GPR139: variants seen among roughly 807,000 people sequenced by gnomAD.
GPR139 encodes the protein probable G protein-coupled receptor 139.
A neutral mutation model predicts 25.8 loss-of-function variants in GPR139; 12 were observed. That is an observed-to-expected ratio of 0.47 (90% confidence interval 0.30 to 0.75). GPR139 has a LOEUF of 0.75. GPR139 is among the 30% of genes least tolerant of loss of function. The pLI is 0.07. For missense variants in GPR139, 380 were observed against 450.2 expected, an observed-to-expected ratio of 0.84 and a Z score of 1.41; for synonymous variants, 184 against 179.9, an observed-to-expected ratio of 1.02 and a Z score of -0.18.
At chr16:20,071,025 A>G (rs2057457769) in intron 1 of GPR139, 1 of 984,756 alleles carries the variant, frequency 1.0e-6, no homozygotes, top group Admixed American at 6.1e-5. Context: ...CATGATATCT[A>G]TGACCACAGC....
At chr16:20,043,964 G>A in intron 1 of GPR139, among the ~76,000 whole-genome samples, 1 of 82,856 alleles carries the variant, frequency 1.2e-5, no homozygotes, top group Non-Finnish European at 2.5e-5. Context: ...TTTTCTAGCT[G>A]GTGCTTTTGG....
chr16:20,047,474 C>T (rs1180939124), intron 1 of GPR139, among the ~76,000 whole-genome samples: 1 of 152,160 alleles, frequency 6.6e-6, no homozygotes, highest in Non-Finnish European at 1.5e-5. Context: ...TAAACTGCAA[C>T]CAGTAACTAT....
intron 1 of GPR139, among the ~76,000 whole-genome samples, chr16:20,045,517 A>G (rs2057351382): frequency 6.6e-6 from 1 of 152,170 alleles, no homozygotes; most frequent in Non-Finnish European, 1.5e-5. Flanking sequence ...CAGCTCAGGG[A>G]ACTGACCATT....
Position 20,031,127 on chromosome 16 carries a change from A to T in GPR139, c.*608T>A, listed in dbSNP as rs1325303154. The stretch of plus-strand genomic sequence containing the variant: ...CTATGCGGGTTTGGAGATTTCCTGA[A>T]GAAGCTCTGGCCACAGTTTGGATGG... On this transcript the variant is annotated 3_prime_UTR_variant, in exon 2 of 2. Transcript: ENST00000570682. 6.6e-6 allele frequency among the ~76,000 whole-genome samples: 1 copy of T among 152,152 alleles called. No homozygotes were observed. Among genetic ancestry groups the T allele is most frequent in the Non-Finnish European group, 1.5e-5 (1 of 68,030 alleles).
chr16:20,050,555 G>T (rs550748586), intron 1 of GPR139, among the ~76,000 whole-genome samples: 1 of 152,146 alleles, frequency 6.6e-6, no homozygotes, highest in Non-Finnish European at 1.5e-5. Flanking sequence ...TATGGCTTCC[G>T]TCCAGTTCAC....
chr16:20,067,320 C>T (rs904840607), intron 1 of GPR139, among the ~76,000 whole-genome samples: 4 of 152,166 alleles, frequency 2.6e-5, no homozygotes, highest in African/African-American at 9.7e-5. Context: ...CCTGGCTCTC[C>T]TGGGCCTTTG....
chr16:20,073,680 G>T lies in GPR139; in HGVS notation c.-64C>A. ...CCTGCCAGCCCGACTCTGGTCGCCG[G>T]CTCGGTGGTGGCGGCGGCGGAGGCA... On this transcript the variant is annotated 5_prime_UTR_variant, in exon 1 of 2. Transcript: ENST00000570682. This position sits in a 1 kb window ranked among gnomAD's most constrained non-coding sequence, Gnocchi z 4.7. 1 of 1,483,684 alleles carries T rather than the reference G, an allele frequency of 6.7e-7. No homozygotes were observed. The highest frequency in any genetic ancestry group is 8.9e-7 in the Non-Finnish European group (1 of 1,119,326). 91.9% of individuals were successfully genotyped at this position (1,483,684 alleles called of 1,614,324 possible).
rs576654778 is a variant in GPR139 at position 20,038,868 on chromosome 16, G to A, written c.128-6199C>T. On this transcript the variant is annotated intron_variant, in intron 1 of 1. Coordinates refer to ENST00000570682, the MANE Select transcript of GPR139 (RefSeq NM_001002911.4). ...GGCACATTTTCCCCAAAGGGAAAGA[G>A]TGATGTTGACAGGGTCTGTGTGTAT... Among the ~76,000 whole-genome samples, 39 of 152,334 alleles carry A rather than the reference G, an allele frequency of 2.6e-4. No homozygotes were observed. In the South Asian group the frequency reaches 7.9e-3, roughly 31 times the overall value.
At chr16:20,058,298 A>G (rs2057398404) in intron 1 of GPR139, among the ~76,000 whole-genome samples, 1 of 151,802 alleles carries the variant, frequency 6.6e-6, no homozygotes, top group African/African-American at 2.4e-5. Flanking sequence ...TGGAGAGGAG[A>G]TAAGACAAAT....
rs1163015714 is a variant in GPR139 at position 20,031,202 on chromosome 16, C to T, written c.*533G>A. 6.6e-6 allele frequency among the ~76,000 whole-genome samples: 1 copy of T among 152,040 alleles called. No individual in the cohort carries two copies. The highest frequency in any genetic ancestry group is 2.4e-5 in the African/African-American group (1 of 41,380). On this transcript the variant is annotated 3_prime_UTR_variant, in exon 2 of 2. Transcript: ENST00000570682. The stretch of plus-strand genomic sequence containing the variant: ...AGTGTCATTCTGAAGCTAGGAGTGC[C>T]AGAGCCAATTCAAGACCACAACCCT...
rs1251760756 is a variant in GPR139, at chr16:20,073,393, G to T, written c.127+97C>A. On this transcript the variant is annotated intron_variant, in intron 1 of 1. Transcript: ENST00000570682. The surrounding 1 kb of genome is among the most constrained non-coding windows in gnomAD (Gnocchi z 4.7). ...TAAAGCTTAAACTTTTTCCGAGGGG[G>T]CGCCAGGGAACGCACGGGGGAGGAC... 2.2e-5 allele frequency: 33 copies of T among 1,520,762 alleles called. No individual in the cohort carries two copies. The highest frequency in any genetic ancestry group is 2.8e-5 in the Non-Finnish European group (32 of 1,123,986). 94.2% of individuals were successfully genotyped at this position (1,520,762 alleles called of 1,614,324 possible).
At chr16:20,055,618 C>G (rs966770070) in intron 1 of GPR139, among the ~76,000 whole-genome samples, 1 of 152,244 alleles carries the variant, frequency 6.6e-6, no homozygotes, top group African/African-American at 2.4e-5. Flanking sequence ...ATCTTTATCT[C>G]CAACATGGAC....
chr16:20,057,826 C>A (rs997125982), intron 1 of GPR139, among the ~76,000 whole-genome samples: 1 of 152,216 alleles, frequency 6.6e-6, no homozygotes, highest in African/African-American at 2.4e-5. Context: ...TCACCCCTCA[C>A]CACCCTCATC....
chr16:20,067,230 C>A (rs1338674298), intron 1 of GPR139, among the ~76,000 whole-genome samples: 1 of 152,178 alleles, frequency 6.6e-6, no homozygotes, highest in Non-Finnish European at 1.5e-5. Flanking sequence ...CCCAGGCAGC[C>A]TCCAGCATAG....
intron 1 of GPR139, among the ~76,000 whole-genome samples, chr16:20,036,195 G>A (rs1311967559): frequency 6.6e-6 from 1 of 152,148 alleles, no homozygotes; most frequent in Non-Finnish European, 1.5e-5. Flanking sequence ...CTGCTCCTCT[G>A]ACCTAATCAT....
chr16:20,041,166 G>A (rs1310344747), intron 1 of GPR139, among the ~76,000 whole-genome samples: 2 of 190 alleles, frequency 0.011, no homozygotes, highest in Admixed American at 0.042. Flanking sequence ...GGGAGGGGAG[G>A]GGAGGGGAGG....
intron 1 of GPR139, among the ~76,000 whole-genome samples, chr16:20,064,648 GA>G (rs2057425244): frequency 6.6e-6 from 1 of 152,184 alleles, no homozygotes. Flanking sequence ...AGGCAACCCT[GA>G]ATTATCTCAT....
At chr16:20,071,098 G>T (rs984137233) in intron 1 of GPR139, 3 of 546,064 alleles carry the variant, frequency 5.5e-6, no homozygotes, top group African/African-American at 4.1e-5. Flanking sequence ...GCCATCATCT[G>T]CAGCAACATC....
intron 1 of GPR139, among the ~76,000 whole-genome samples, chr16:20,033,040 C>A (rs2057297083): frequency 6.6e-6 from 1 of 151,436 alleles, no homozygotes; most frequent in Non-Finnish European, 1.5e-5. Context: ...TGCCACCATT[C>A]TCCTCACACA....
Sources: allele counts gnomAD v4.1 joint callset (sites outside exome capture counted in the v4.1 genomes callset), GRCh38; gene constraint gnomAD v4.1.1; non-coding constraint Gnocchi (gnomAD v3.1); transcripts MANE v1.5; gene names NCBI Gene and HGNC (gene_info 2026-07-23, HGNC 2026-07-21).